KSR2: variants seen among roughly 807,000 people sequenced by gnomAD.
The protein encoded by KSR2 is kinase suppressor of ras 2.
In KSR2, 25 loss-of-function variants were observed where a neutral mutation model predicts 107.8. That is an observed-to-expected ratio of 0.23 (90% CI 0.17 to 0.32). KSR2 has a LOEUF of 0.32. Among genes scored for constraint, KSR2 ranks in the 10% least tolerant of loss-of-function variants. The pLI is 1.00. For synonymous variants in KSR2, 480 were observed against 507.0 expected (o/e 0.95, Z 0.71); for missense variants, 887 against 1,268.9 (o/e 0.70, Z 4.57).
chr12:117,647,417 A>T (rs1883700187), intron 5 of KSR2, among the ~76,000 whole-genome samples: 1 of 152,168 alleles, frequency 6.6e-6, no homozygotes, highest in Non-Finnish European at 1.5e-5. Context: ...TGATGGGGCC[A>T]AGCCTCAGAG....
Position 117,696,202 on chromosome 12 carries a change from C to T in KSR2, c.987-28544G>A, listed in dbSNP as rs185888425. 2.3e-3 allele frequency among the ~76,000 whole-genome samples: 348 copies of T among 152,300 alleles called. 3 individuals carry two copies. Among genetic ancestry groups the T allele is most frequent in the African/African-American group, 7.8e-3 (325 of 41,556 alleles). Reference sequence around the variant, plus strand: ...ACAGCTCAAAGCCACCTGCCACCTGCCACTCCAGGGAGGCTGCTGGGCCCC... The same window carrying T: ...ACAGCTCAAAGCCACCTGCCACCTGTCACTCCAGGGAGGCTGCTGGGCCCC... On this transcript the variant is annotated intron_variant, in intron 4 of 19. Transcript: ENST00000339824.
chr12:117,844,745 C>T (rs1229861376), intron 3 of KSR2, among the ~76,000 whole-genome samples: 2 of 152,218 alleles, frequency 1.3e-5, no homozygotes, highest in Non-Finnish European at 2.9e-5. Flanking sequence ...TATCTACCCC[C>T]TAAGCCTTTC....
chr12:117,695,261 A>T (rs1886005683), intron 4 of KSR2, among the ~76,000 whole-genome samples: 1 of 152,142 alleles, frequency 6.6e-6, no homozygotes, highest in Non-Finnish European at 1.5e-5. Flanking sequence ...ATGGGTACAG[A>T]GCTTTAGTTT....
At chr12:117,738,604 G>A (rs1888036953) in intron 4 of KSR2, among the ~76,000 whole-genome samples, 1 of 152,332 alleles carries the variant, frequency 6.6e-6, no homozygotes, top group Middle Eastern at 3.4e-3. Flanking sequence ...GCTGGGCATG[G>A]TGGCTCATGC....
At chr12:117,726,800 G>A (rs990520645) in intron 4 of KSR2, among the ~76,000 whole-genome samples, 1 of 152,136 alleles carries the variant, frequency 6.6e-6, no homozygotes, top group African/African-American at 2.4e-5. Flanking sequence ...TCTCCTAGTA[G>A]CTATTTACCC....
intron 7 of KSR2, among the ~76,000 whole-genome samples, chr12:117,566,715 C>T (rs1471164518): frequency 6.6e-6 from 1 of 152,158 alleles, no homozygotes. Context: ...ACACTGTGTT[C>T]CTCCTCTGTG....
chr12:117,607,640 CGGAGAGGGGAGGAAA>C (rs1565923681), intron 5 of KSR2, among the ~76,000 whole-genome samples: 1 of 102,132 alleles, frequency 9.8e-6, no homozygotes, highest in Non-Finnish European at 1.8e-5. Flanking sequence ...ACAGACCTCC[CGGAGAGGGGAGGAAA>C]GGAGAGGAGA....
At chr12:117,859,451 T>C (rs28450122) in intron 2 of KSR2, among the ~76,000 whole-genome samples, 3 of 135,780 alleles carry the variant, frequency 2.2e-5, no homozygotes, top group Non-Finnish European at 4.6e-5. Flanking sequence ...TCGTTTTTTG[T>C]TTTTTATTTA....
intron 1 of KSR2, among the ~76,000 whole-genome samples, chr12:117,869,555 T>C (rs1836910153): frequency 6.6e-6 from 1 of 152,204 alleles, no homozygotes; most frequent in South Asian, 2.1e-4. Context: ...CTATTGAAAC[T>C]CTGCAATGTG....
chr12:117,518,802 A>T (rs1874554319), intron 14 of KSR2, among the ~76,000 whole-genome samples: 1 of 152,158 alleles, frequency 6.6e-6, no homozygotes, highest in Non-Finnish European at 1.5e-5. Flanking sequence ...CCTCTACCTG[A>T]ACTGCTCTTT....
chr12:117,825,302 A>G (rs1891701166), intron 3 of KSR2, among the ~76,000 whole-genome samples: 2 of 152,106 alleles, frequency 1.3e-5, no homozygotes, highest in Admixed American at 1.3e-4. Context: ...GGGTGTGTGC[A>G]TGGAAGATTG....
chr12:117,576,573 T>C lies in KSR2; in HGVS notation c.1325+2546A>G, dbSNP rs546731492. On this transcript the variant is annotated intron_variant, in intron 7 of 19. Coordinates refer to ENST00000339824, the MANE Select transcript of KSR2 (RefSeq NM_173598.6). Reference sequence around the variant, plus strand: ...AGTGCAGTGGTGCAATCACAGCTCATTGCAACCTCAAGCTCCTGGGCTCAA... The same window carrying C: ...AGTGCAGTGGTGCAATCACAGCTCACTGCAACCTCAAGCTCCTGGGCTCAA... 3.3e-5 allele frequency among the ~76,000 whole-genome samples: 5 copies of C among 152,198 alleles called. No individual in the cohort carries two copies. In the East Asian group the frequency reaches 9.7e-4, roughly 29 times the overall value.
chr12:117,793,218 T>TGCAA (rs1890344344), intron 3 of KSR2, among the ~76,000 whole-genome samples: 3 of 114,610 alleles, frequency 2.6e-5, no homozygotes, highest in African/African-American at 7.4e-5. Flanking sequence ...GCACACACCC[T>TGCAA]CACACCAACA....
chr12:117,565,248 T>G (rs537758514), intron 7 of KSR2, among the ~76,000 whole-genome samples: 2 of 152,186 alleles, frequency 1.3e-5, no homozygotes. Context: ...GGATGAAAAT[T>G]TGCTCCGATC....
intron 4 of KSR2, among the ~76,000 whole-genome samples, chr12:117,737,861 T>G (rs1888004883): frequency 6.9e-6 from 1 of 145,812 alleles, no homozygotes; most frequent in Admixed American, 7.0e-5. Flanking sequence ...AATCATCCAA[T>G]GTGTCGGCCA....
In KSR2 at chr12:117,632,036, T is replaced by C. The variant is rs933025762; in HGVS notation, c.1171+35438A>G. On this transcript the variant is annotated intron_variant, in intron 5 of 19. Transcript: ENST00000339824. ...TCATCTGCCAAAATTCTGACTATTT[T>C]TTCATAGCTGTCCAGGAACATTTAA... 5.3e-5 allele frequency among the ~76,000 whole-genome samples: 8 copies of C among 152,268 alleles called. No individual in the cohort carries two copies. In the East Asian group the frequency reaches 1.5e-3, roughly 29 times the overall value.
chr12:117,938,093 C>T (rs935609384), intron 1 of KSR2, among the ~76,000 whole-genome samples: 1 of 151,908 alleles, frequency 6.6e-6, no homozygotes, highest in Non-Finnish European at 1.5e-5. Context: ...ACTGTTCCTG[C>T]TGCTTGGAAC....
intron 4 of KSR2, among the ~76,000 whole-genome samples, chr12:117,681,910 A>C (rs2136537073): frequency 1.3e-5 from 2 of 152,330 alleles, no homozygotes; most frequent in South Asian, 4.1e-4. Context: ...TAGCAATCTC[A>C]TTAAAGGGTA....
intron 4 of KSR2, among the ~76,000 whole-genome samples, chr12:117,704,304 G>A (rs1261753790): frequency 6.6e-6 from 1 of 152,102 alleles, no homozygotes; most frequent in East Asian, 1.9e-4. Flanking sequence ...AAATGGAAAA[G>A]CATGTTTTCA....
Sources: gnomAD v4.1 joint callset for allele counts (sites outside exome capture counted in the v4.1 genomes callset) on GRCh38, gnomAD v4.1.1 for gene constraint, MANE v1.5 for transcripts, NCBI Gene and HGNC (gene_info 2026-07-23, HGNC 2026-07-21) for gene names.